MAST4: variants seen among roughly 807,000 people sequenced by gnomAD.
MAST4 encodes microtubule associated serine/threonine kinase family member 4, also known as microtubule-associated serine/threonine-protein kinase 4.
MAST4 carries 89 observed loss-of-function variants against 162.7 expected under a neutral mutation model. The ratio of observed to expected loss-of-function variants is 0.55; its 90% confidence interval spans 0.46 to 0.65. MAST4 has a LOEUF of 0.65. MAST4 is among the 30% of genes least tolerant of loss of function. MAST4 has a pLI of 0.00. For synonymous variants in MAST4, 1,479 were observed against 1,361.1 expected (o/e 1.09, Z -1.91); for missense variants, 3,153 against 3,374.0 (o/e 0.93, Z 1.62).
At chr5:66,802,094 A>T (rs1755951555) in intron 3 of MAST4, among the ~76,000 whole-genome samples, 1 of 152,154 alleles carries the variant, frequency 6.6e-6, no homozygotes, top group South Asian at 2.1e-4. Context: ...ATCGCAATTA[A>T]TATTATTGTT....
chr5:66,926,617 T>C (rs1484910410), intron 4 of MAST4, among the ~76,000 whole-genome samples: 2 of 151,814 alleles, frequency 1.3e-5, no homozygotes, highest in East Asian at 3.9e-4. Context: ...TGTATATGTA[T>C]ATATGTGTGT....
intron 4 of MAST4, among the ~76,000 whole-genome samples, chr5:66,936,215 T>C (rs1742733721): frequency 6.6e-6 from 1 of 152,234 alleles, no homozygotes; most frequent in African/African-American, 2.4e-5. Context: ...ACTCTATCAA[T>C]GGGAACATAT....
chr5:66,874,299 T>A (rs556032698), intron 3 of MAST4, among the ~76,000 whole-genome samples: 22 of 152,180 alleles, frequency 1.4e-4, no homozygotes, highest in Non-Finnish European at 2.8e-4. Context: ...GTAGAGCTGG[T>A]AAAGGCCTCT....
chr5:66,717,538 G>C (rs1750920365), intron 1 of MAST4, among the ~76,000 whole-genome samples: 1 of 152,286 alleles, frequency 6.6e-6, no homozygotes, highest in South Asian at 2.1e-4. Flanking sequence ...GTCTCAGCCA[G>C]GCAGTCCCTT....
At chr5:66,715,254 A>C (rs1217171462) in intron 1 of MAST4, among the ~76,000 whole-genome samples, 1 of 152,226 alleles carries the variant, frequency 6.6e-6, no homozygotes, top group East Asian at 1.9e-4. Flanking sequence ...TATAGAGGGC[A>C]TGAATCTAAT....
chr5:67,093,701 A>G (rs941515303), intron 6 of MAST4: 4 of 442,938 alleles, frequency 9.0e-6, no homozygotes, highest in Non-Finnish European at 1.4e-5. Flanking sequence ...TCATTCATCT[A>G]AAATATGTTC....
intron 4 of MAST4, among the ~76,000 whole-genome samples, chr5:66,911,780 T>A (rs1763795662): frequency 6.6e-6 from 1 of 152,168 alleles, no homozygotes; most frequent in Admixed American, 6.5e-5. Context: ...TATAGAAATA[T>A]AATCTTTCAA....
intron 5 of MAST4, among the ~76,000 whole-genome samples, chr5:67,061,912 A>T (rs1043658707): frequency 7.9e-5 from 12 of 152,116 alleles, no homozygotes; most frequent in African/African-American, 2.9e-4. Flanking sequence ...GCATTACAAC[A>T]GTTTTTTCCA....
At chr5:66,843,806 A>T (rs937146160) in intron 3 of MAST4, among the ~76,000 whole-genome samples, 1 of 152,152 alleles carries the variant, frequency 6.6e-6, no homozygotes, top group Admixed American at 6.6e-5. Flanking sequence ...GGGAATTTTG[A>T]TACACAGCCA....
intron 1 of MAST4, among the ~76,000 whole-genome samples, chr5:66,633,222 A>T (rs1354474380): frequency 1.3e-5 from 2 of 152,210 alleles, no homozygotes. Context: ...TTTTGAAGAC[A>T]ATCTGGTCAT....
chr5:66,860,609 G>GT (rs138772390), intron 3 of MAST4, among the ~76,000 whole-genome samples: 41,436 of 145,994 alleles, frequency 0.28, 5,860 homozygotes, highest in East Asian at 0.35. Context: ...CACCTTTTTC[G>GT]TTTTTTTTTT....
intron 4 of MAST4, among the ~76,000 whole-genome samples, chr5:66,934,962 A>G (rs1294676204): frequency 6.6e-6 from 1 of 152,212 alleles, no homozygotes; most frequent in Non-Finnish European, 1.5e-5. Context: ...AGTTAGGATC[A>G]CGTCCACAGT....
intron 4 of MAST4, among the ~76,000 whole-genome samples, chr5:66,987,187 C>T (rs1045226286): frequency 2.0e-5 from 3 of 152,098 alleles, no homozygotes; most frequent in Admixed American, 6.6e-5. Context: ...GCCTTGTTTT[C>T]AGAAGCTCTT....
intron 1 of MAST4, among the ~76,000 whole-genome samples, chr5:66,718,891 C>A (rs1244548025): frequency 6.6e-6 from 1 of 152,294 alleles, no homozygotes; most frequent in African/African-American, 2.4e-5. Flanking sequence ...GAAAGCATGA[C>A]CTGGCGTCAT....
chr5:66,646,813 G>T (rs779572747), intron 1 of MAST4, among the ~76,000 whole-genome samples: 18 of 152,260 alleles, frequency 1.2e-4, no homozygotes, highest in Non-Finnish European at 2.1e-4. Context: ...AAGCAGCTCC[G>T]CTCGCTGACA....
intron 3 of MAST4, among the ~76,000 whole-genome samples, chr5:66,815,493 A>C (rs189603737): frequency 2.5e-4 from 38 of 152,350 alleles, no homozygotes; most frequent in African/African-American, 8.7e-4. Context: ...TAGAAAAAAA[A>C]CAGTATATAT....
At chr5:66,952,974 C>T (rs749759102) in intron 4 of MAST4, among the ~76,000 whole-genome samples, 1 of 152,106 alleles carries the variant, frequency 6.6e-6, no homozygotes, top group South Asian at 2.1e-4. Flanking sequence ...ATAGATGTAC[C>T]TTTCTGTCTC....
At chr5:67,017,742 G>A (rs1357262730) in intron 4 of MAST4, among the ~76,000 whole-genome samples, 1 of 151,516 alleles carries the variant, frequency 6.6e-6, no homozygotes, top group Non-Finnish European at 1.5e-5. Flanking sequence ...TAGCTTACAG[G>A]TGTGCGCCAC....
intron 4 of MAST4, among the ~76,000 whole-genome samples, chr5:66,968,954 T>C (rs557268051): frequency 2.6e-4 from 39 of 152,050 alleles, no homozygotes; most frequent in African/African-American, 8.7e-4. Context: ...TAAGGAGGAG[T>C]AGTAGAATGT....
Sources: gnomAD v4.1 joint callset for allele counts (sites outside exome capture counted in the v4.1 genomes callset) on GRCh38, gnomAD v4.1.1 for gene constraint, MANE v1.5 for transcripts, NCBI Gene and HGNC (gene_info 2026-07-23, HGNC 2026-07-21) for gene names.